The following ARID4B variants were observed in gnomAD, a reference collection of about 807,000 sequenced individuals.
ARID4B encodes the protein AT-rich interaction domain 4B, also known as AT-rich interactive domain-containing protein 4B.
In ARID4B, 26 loss-of-function variants were observed where a neutral mutation model predicts 147.5. The observed-to-expected ratio is 0.18, with a 90% CI of 0.13 to 0.24. The LOEUF (loss-of-function observed/expected upper bound fraction) is 0.24. Ranked by LOEUF, ARID4B falls within the 10% of genes least tolerant of loss-of-function variation. ARID4B has a pLI of 1.00. For synonymous variants in ARID4B, 512 were observed against 507.9 expected (o/e 1.01, Z -0.11); for missense variants, 1,179 against 1,511.5 (o/e 0.78, Z 3.65).
rs953033473 is a variant in ARID4B, at chr1:235,167,499, T to C, written c.*1026A>G. The C allele has an allele frequency of 9.0e-6, 2 of 223,394 alleles. No homozygotes were observed. Among genetic ancestry groups the C allele is most frequent in the Non-Finnish European group, 1.8e-5 (2 of 111,654 alleles). The allele number at this position is 223,394 out of a possible 1,614,324, so 13.8% of individuals were successfully genotyped here. On this transcript the variant is annotated 3_prime_UTR_variant, in exon 24 of 24. Coordinates refer to ENST00000264183, the MANE Select transcript of ARID4B (RefSeq NM_016374.6). ...ATTTTATACAAGGCATTTAATTTTA[T>C]AGGCCTACCACCCCCATTAGCTATT...
At chr1:235,264,900 A>T (rs538618951) in intron 2 of ARID4B, among the ~76,000 whole-genome samples, 3 of 151,846 alleles carry the variant, frequency 2.0e-5, no homozygotes, top group Non-Finnish European at 4.4e-5. Flanking sequence ...CTCTACTTAA[A>T]ATATAAAAAA....
chr1:235,174,684 C>T (rs865963316), intron 22 of ARID4B, among the ~76,000 whole-genome samples: 2 of 151,588 alleles, frequency 1.3e-5, no homozygotes, highest in Non-Finnish European at 1.5e-5. Flanking sequence ...TGGTGGTGGG[C>T]GTCTGTAATC....
chr1:235,203,526 TAGATA>T (rs1213761687), intron 17 of ARID4B, among the ~76,000 whole-genome samples: 3 of 152,188 alleles, frequency 2.0e-5, no homozygotes, highest in South Asian at 2.1e-4. Context: ...GAAATATGTA[TAGATA>T]AGATAAAAAT....
intron 11 of ARID4B, chr1:235,228,937 G>A (rs867915142): frequency 5.8e-5 from 15 of 256,644 alleles, no homozygotes; most frequent in African/African-American, 1.9e-4. Context: ...GAGCCACTGC[G>A]CCCAGCCTGG....
chr1:235,193,525 A>T (rs1665268967), intron 19 of ARID4B, among the ~76,000 whole-genome samples: 1 of 152,238 alleles, frequency 6.6e-6, no homozygotes, highest in Non-Finnish European at 1.5e-5. Flanking sequence ...TGCAACAGAA[A>T]GGATGGCACA....
chr1:235,224,294 T>C (rs1026708891), intron 12 of ARID4B, among the ~76,000 whole-genome samples: 3 of 152,222 alleles, frequency 2.0e-5, no homozygotes, highest in African/African-American at 7.2e-5. Context: ...CCCTAAGTTA[T>C]TCTTCTTCCT....
chr1:235,207,690 G>T (rs1423515076), intron 17 of ARID4B, among the ~76,000 whole-genome samples: 5 of 152,092 alleles, frequency 3.3e-5, no homozygotes, highest in African/African-American at 1.2e-4. Flanking sequence ...CACATAGTGG[G>T]TATTCAACTT....
chr1:235,303,541 T>C (rs867606438), intron 2 of ARID4B, among the ~76,000 whole-genome samples: 9 of 152,184 alleles, frequency 5.9e-5, no homozygotes, highest in Non-Finnish European at 1.0e-4. Flanking sequence ...CTTGGCAACA[T>C]AGTGAGATCC....
Position 235,271,968 on chromosome 1 carries a change from A to AAATAATAAT in ARID4B, c.7-11225_7-11217dup, listed in dbSNP as rs10666218. The stretch of plus-strand genomic sequence containing the variant: ...CATCTCAAAAAGTAATAATAATAAT[A>AAATAATAAT]AATAATAATAATAATCCCCACCAAC... On this transcript the variant is annotated intron_variant, in intron 2 of 23. Coordinates refer to ENST00000264183, the MANE Select transcript of ARID4B (RefSeq NM_016374.6). Among the ~76,000 whole-genome samples, 257 of 150,388 alleles carry AAATAATAAT rather than the reference A, an allele frequency of 1.7e-3. 1 individual carries two copies. The highest frequency in any genetic ancestry group is 5.4e-3 in the African/African-American group (220 of 41,074).
chr1:235,265,234 C>T (rs376681355), intron 2 of ARID4B, among the ~76,000 whole-genome samples: 3 of 151,552 alleles, frequency 2.0e-5, no homozygotes, highest in South Asian at 2.1e-4. Flanking sequence ...GGTGTGGTGG[C>T]GGGCGCCTGT....
At chr1:235,283,498 T>A (rs4316357) in intron 2 of ARID4B, among the ~76,000 whole-genome samples, 1 of 152,212 alleles carries the variant, frequency 6.6e-6, no homozygotes, top group Non-Finnish European at 1.5e-5. Context: ...TTACGAGTGA[T>A]CTTTTTCCTA....
chr1:235,261,680 G>GATAA (rs1053620520), intron 2 of ARID4B, among the ~76,000 whole-genome samples: 2 of 152,170 alleles, frequency 1.3e-5, no homozygotes, highest in Non-Finnish European at 2.9e-5. Flanking sequence ...GGATTCGCTG[G>GATAA]ATATTTACTC....
At chr1:235,235,056 G>A (rs1572042979) in intron 8 of ARID4B, among the ~76,000 whole-genome samples, 1 of 152,198 alleles carries the variant, frequency 6.6e-6, no homozygotes, top group Non-Finnish European at 1.5e-5. Context: ...TGGTGGCTTG[G>A]ATGTAAAGTG....
At chr1:235,185,085 G>A (rs1664582251) in intron 19 of ARID4B, among the ~76,000 whole-genome samples, 1 of 152,142 alleles carries the variant, frequency 6.6e-6, no homozygotes, top group Non-Finnish European at 1.5e-5. Context: ...CCAAAGCACT[G>A]GGATTATAGG....
intron 2 of ARID4B, among the ~76,000 whole-genome samples, chr1:235,267,860 A>G (rs1194695406): frequency 6.6e-6 from 1 of 152,008 alleles, no homozygotes; most frequent in Non-Finnish European, 1.5e-5. Flanking sequence ...GCCGAGATCG[A>G]GTCACTGCAC....
At chr1:235,295,853 T>C (rs2103226711) in intron 2 of ARID4B, 1 of 151,524 alleles carries the variant, frequency 6.6e-6, no homozygotes, top group East Asian at 1.9e-4. Context: ...TACATGGCTG[T>C]ACTCATCAAG....
chr1:235,271,319 G>A (rs1459647259), intron 2 of ARID4B, among the ~76,000 whole-genome samples: 3 of 152,084 alleles, frequency 2.0e-5, no homozygotes, highest in Non-Finnish European at 4.4e-5. Flanking sequence ...CTGCACTCCA[G>A]CCTGGATGAC....
intron 23 of ARID4B, among the ~76,000 whole-genome samples, chr1:235,170,972 A>T (rs1156612142): frequency 6.6e-6 from 1 of 150,714 alleles, no homozygotes; most frequent in African/African-American, 2.4e-5. Flanking sequence ...TCAGTGTCTG[A>T]CTTTTTTTTA....
At chr1:235,204,699 A>C (rs534739884) in intron 17 of ARID4B, among the ~76,000 whole-genome samples, 52 of 152,352 alleles carry the variant, frequency 3.4e-4, no homozygotes, top group Middle Eastern at 3.4e-3. Flanking sequence ...ATTGTAATGC[A>C]GATGCTAAGT....
Sources: allele counts gnomAD v4.1 joint callset (sites outside exome capture counted in the v4.1 genomes callset), GRCh38; gene constraint gnomAD v4.1.1; transcripts MANE v1.5; gene names NCBI Gene and HGNC (gene_info 2026-07-23, HGNC 2026-07-21).